The following DNM3 variants were observed in gnomAD, a reference collection of about 807,000 sequenced individuals.
DNM3 encodes the protein dynamin-3.
Under a neutral mutation model 101.6 loss-of-function variants are expected in DNM3, and 47 were observed. The observed-to-expected ratio is 0.46, with a 90% CI of 0.37 to 0.59. The LOEUF is 0.59. DNM3 is among the 20% of genes least tolerant of loss of function. DNM3 has a pLI of 0.00. For missense variants in DNM3, 849 were observed against 1,085.7 expected, an observed-to-expected ratio of 0.78 and a Z score of 3.06; for synonymous variants, 385 against 387.9, an observed-to-expected ratio of 0.99 and a Z score of 0.09.
chr1:171,960,539 C>T (rs1197062166), intron 2 of DNM3, among the ~76,000 whole-genome samples: 1 of 152,114 alleles, frequency 6.6e-6, no homozygotes, highest in East Asian at 1.9e-4. Flanking sequence ...ATCTTGAAGG[C>T]TCTGCCATCA....
At chr1:171,904,565 A>T (rs556064738) in intron 1 of DNM3, among the ~76,000 whole-genome samples, 1 of 152,296 alleles carries the variant, frequency 6.6e-6, no homozygotes, top group East Asian at 1.9e-4. Flanking sequence ...CTGTTGAAAG[A>T]TATTAGGAAA....
chr1:171,977,541 T>G (rs1173984455), intron 2 of DNM3, among the ~76,000 whole-genome samples: 1 of 152,118 alleles, frequency 6.6e-6, no homozygotes, highest in Non-Finnish European at 1.5e-5. Context: ...TAATAAAAAG[T>G]GTTTAAATTT....
intron 1 of DNM3, among the ~76,000 whole-genome samples, chr1:171,914,536 A>G (rs2039560642): frequency 2.0e-5 from 3 of 152,186 alleles, no homozygotes; most frequent in Admixed American, 1.3e-4. Flanking sequence ...TTTTCTTCCA[A>G]TTCTATTCCA....
At chr1:171,974,888 G>A (rs2044261613) in intron 2 of DNM3, among the ~76,000 whole-genome samples, 1 of 149,116 alleles carries the variant, frequency 6.7e-6, no homozygotes, top group Non-Finnish European at 1.5e-5. Context: ...TTGAGTTGGG[G>A]TCTTGGTCTG....
chr1:172,400,900 G>A (rs1223163874), intron 20 of DNM3, among the ~76,000 whole-genome samples: 2 of 152,028 alleles, frequency 1.3e-5, no homozygotes, highest in Non-Finnish European at 2.9e-5. Context: ...GTACTTTCTG[G>A]AAGTCCTTCC....
At chr1:171,948,289 T>G (rs74123803) in intron 2 of DNM3, among the ~76,000 whole-genome samples, 14,268 of 152,206 alleles carry the variant, frequency 0.094, 881 homozygotes, top group East Asian at 0.33. Flanking sequence ...ACCTCACAAT[T>G]TAAGCAGGCT....
intron 10 of DNM3, among the ~76,000 whole-genome samples, chr1:172,062,409 T>C (rs963737225): frequency 1.3e-5 from 2 of 152,212 alleles, no homozygotes; most frequent in Non-Finnish European, 2.9e-5. Context: ...GTTTTTCTAC[T>C]CTCCTTGTTT....
chr1:171,858,819 G>A (rs556742056), intron 1 of DNM3, among the ~76,000 whole-genome samples: 5 of 152,114 alleles, frequency 3.3e-5, no homozygotes, highest in Admixed American at 1.3e-4. Context: ...GGTCACCAAC[G>A]ATCTCCAGAC....
At chr1:172,053,816 A>T (rs2050378686) in intron 10 of DNM3, among the ~76,000 whole-genome samples, 1 of 152,136 alleles carries the variant, frequency 6.6e-6, no homozygotes, top group Non-Finnish European at 1.5e-5. Flanking sequence ...TACTTTCAAT[A>T]TCTTTTATTT....
chr1:172,354,112 T>TGAGA lies in DNM3; in HGVS notation c.1894-24879_1894-24876dup, dbSNP rs71563205. ...GGGTGTGTGTGTGTGTGTGTGTGTG[T>TGAGA]GAGAGAGAGAGAGAGAGAGAGAGAG... On this transcript the variant is annotated intron_variant, in intron 17 of 20. Coordinates refer to ENST00000627582, the MANE Select transcript of DNM3 (RefSeq NM_015569.5). Among the ~76,000 whole-genome samples, 411 of 94,966 alleles carry TGAGA rather than the reference T, an allele frequency of 4.3e-3. 2 individuals carry two copies. The highest frequency in any genetic ancestry group is 0.012 in the South Asian group (28 of 2,324). 62.3% of individuals were successfully genotyped at this position (94,966 alleles called of 152,430 possible).
intron 13 of DNM3, among the ~76,000 whole-genome samples, chr1:172,119,323 A>G (rs143049540): frequency 6.6e-6 from 1 of 152,080 alleles, no homozygotes; most frequent in Non-Finnish European, 1.5e-5. Context: ...TTCTCTCTTC[A>G]GTAACCTTAA....
chr1:172,404,019 C>A (rs1158929077), intron 20 of DNM3, among the ~76,000 whole-genome samples: 2 of 152,076 alleles, frequency 1.3e-5, no homozygotes, highest in African/African-American at 4.8e-5. Flanking sequence ...AGAAAATTCA[C>A]CCTAAATTGC....
At chr1:171,923,495 A>T (rs1266656443) in intron 2 of DNM3, among the ~76,000 whole-genome samples, 4 of 151,164 alleles carry the variant, frequency 2.6e-5, no homozygotes, top group African/African-American at 9.7e-5. Flanking sequence ...GAAGCACAAG[A>T]TTTTTTATTT....
intron 7 of DNM3, among the ~76,000 whole-genome samples, chr1:172,038,745 A>G (rs891275818): frequency 2.6e-5 from 4 of 152,138 alleles, no homozygotes; most frequent in Non-Finnish European, 5.9e-5. Context: ...CCCAGCAGGA[A>G]TTTTTGTCCC....
At chr1:172,345,227 T>C (rs868570626) in intron 17 of DNM3, among the ~76,000 whole-genome samples, 2 of 152,200 alleles carry the variant, frequency 1.3e-5, no homozygotes, top group Non-Finnish European at 2.9e-5. Context: ...TCTCATTTCA[T>C]AGAAAGGAAT....
chr1:172,388,836 G>T (rs949576036), intron 20 of DNM3, 27 bp downstream of exon 20: 2 of 1,516,850 alleles, frequency 1.3e-6, no homozygotes, highest in East Asian at 2.4e-5. Context: ...AAATTGGGGG[G>T]GTAGTGCGCC....
chr1:172,047,709 G>A (rs1230050845), intron 9 of DNM3, among the ~76,000 whole-genome samples: 2 of 152,042 alleles, frequency 1.3e-5, no homozygotes, highest in Non-Finnish European at 2.9e-5. Flanking sequence ...GATAAGAAGG[G>A]GCGTCAAGTC....
At chr1:171,940,382 C>T (rs1330600551) in intron 2 of DNM3, among the ~76,000 whole-genome samples, 1 of 152,140 alleles carries the variant, frequency 6.6e-6, no homozygotes, top group Non-Finnish European at 1.5e-5. Context: ...TGCTGCACAA[C>T]AGAGAGGTTG....
At chr1:172,310,341 C>G (rs2065028673) in intron 16 of DNM3, 1 of 152,148 alleles carries the variant, frequency 6.6e-6, no homozygotes, top group Non-Finnish European at 1.5e-5. Context: ...TTGCCAGCTG[C>G]CATTCTAGGC....
Sources: gnomAD v4.1 joint callset for allele counts (sites outside exome capture counted in the v4.1 genomes callset) on GRCh38, gnomAD v4.1.1 for gene constraint, MANE v1.5 for transcripts, NCBI Gene and HGNC (gene_info 2026-07-23, HGNC 2026-07-21) for gene names.